Variants in SNED1 observed in about 807,000 individuals in gnomAD.
SNED1 encodes sushi, nidogen and EGF like domains 1, also known as sushi, nidogen and EGF-like domain-containing protein 1.
SNED1 carries 81 observed loss-of-function variants against 166.7 expected under a neutral mutation model. That is an observed-to-expected ratio of 0.49 (90% confidence interval 0.41 to 0.58). The LOEUF (loss-of-function observed/expected upper bound fraction) is 0.58, where lower values mean the gene tolerates loss of function less well. Among genes scored for constraint, SNED1 ranks in the 20% least tolerant of loss-of-function variants. SNED1 has a pLI of 0.00. For missense variants in SNED1, 1,604 were observed against 2,000.2 expected (o/e 0.80, Z 3.78); for synonymous variants, 762 against 822.0 (o/e 0.93, Z 1.25).
At chr2:241,038,939 A>T (rs925899540) in intron 6 of SNED1, among the ~76,000 whole-genome samples, 13 of 152,112 alleles carry the variant, frequency 8.5e-5, no homozygotes, top group African/African-American at 3.1e-4. Flanking sequence ...CCCCTCTGTG[A>T]TGTGCAGCCT....
intron 1 of SNED1, among the ~76,000 whole-genome samples, chr2:241,022,369 T>G (rs1311939129): frequency 6.6e-6 from 1 of 152,256 alleles, no homozygotes; most frequent in African/African-American, 2.4e-5. Flanking sequence ...GCTCTTACAT[T>G]AGGTCTTTGA....
At position 241,072,095 on chromosome 2, in the gene SNED1, G is replaced by A. The variant is rs569187218; in HGVS notation, c.3817+217G>A. Reference sequence around the variant, plus strand: ...GAGGGGCAGCTCGTGAGGGCCTCACGTCAGTGTGTGGGCTGGAGGCGCAGG... The same window carrying A: ...GAGGGGCAGCTCGTGAGGGCCTCACATCAGTGTGTGGGCTGGAGGCGCAGG... On this transcript the variant is annotated intron_variant, in intron 26 of 31. Transcript: ENST00000310397. 292 of 700,228 alleles carry A rather than the reference G, an allele frequency of 4.2e-4. 1 individual carries two copies. Among genetic ancestry groups the A allele is most frequent in the Admixed American group, 7.0e-4 (35 of 49,936 alleles). 43.4% of individuals were successfully genotyped at this position (700,228 alleles called of 1,614,324 possible).
rs1419897103 is a variant in SNED1 at position 241,092,308 on chromosome 2, A to T, written c.*672A>T. 6.6e-6 allele frequency: 1 copy of T among 152,248 alleles called. No homozygotes were observed. Among genetic ancestry groups the T allele is most frequent in the African/African-American group, 2.4e-5 (1 of 41,456 alleles). The allele number at this position is 152,248 out of a possible 1,614,324, so 9.4% of individuals were successfully genotyped here. ...TGGCAGCCTTTCTCTATCAAGGGTC[A>T]GACGGTAAACGTTTTCAGCTTTGCA... On this transcript the variant is annotated 3_prime_UTR_variant, in exon 32 of 32. Transcript: ENST00000310397. The surrounding 1 kb of genome is among the most constrained non-coding windows in gnomAD (Gnocchi z 4.6).
In SNED1 at chr2:241,067,265, C is replaced by T. The variant is rs550318395; in HGVS notation, c.3011-499C>T. 7.0e-4 allele frequency among the ~76,000 whole-genome samples: 106 copies of T among 152,352 alleles called. 2 individuals are homozygous for T. The highest frequency in any genetic ancestry group is 1.9e-3 in the African/African-American group (79 of 41,588). On this transcript the variant is annotated intron_variant, in intron 21 of 31. Coordinates refer to ENST00000310397, the MANE Select transcript of SNED1 (RefSeq NM_001080437.3). Reference sequence around the variant, plus strand: ...TGCATCAGCAGTGGCACTGGAGCTTCGGAGGAGACTGGCTGGGCGGGAAGC... The same window carrying T: ...TGCATCAGCAGTGGCACTGGAGCTTTGGAGGAGACTGGCTGGGCGGGAAGC...
chr2:241,009,884 C>T (rs888100308), intron 1 of SNED1, among the ~76,000 whole-genome samples: 7 of 152,162 alleles, frequency 4.6e-5, no homozygotes, highest in African/African-American at 1.2e-4. Flanking sequence ...CAGGGGCCAG[C>T]CTCCTTCCCT....
chr2:241,023,710 T>C (rs1021023560), intron 1 of SNED1, among the ~76,000 whole-genome samples: 1 of 152,110 alleles, frequency 6.6e-6, no homozygotes, highest in Non-Finnish European at 1.5e-5. Context: ...GCAGAGCTCT[T>C]ATATCTTTAT....
intron 8 of SNED1, among the ~76,000 whole-genome samples, chr2:241,044,449 G>C (rs1241807679): frequency 6.6e-6 from 1 of 152,230 alleles, no homozygotes; most frequent in Non-Finnish European, 1.5e-5. Context: ...GCATGGAGTA[G>C]CTGTCAGAGG....
chr2:241,036,842 C>T lies in SNED1; in HGVS notation c.858C>T (p.Asp286=), dbSNP rs533429390. 168 of 1,611,570 alleles carry T rather than the reference C, an allele frequency of 1.0e-4. No homozygotes were observed. The highest frequency in any genetic ancestry group is 1.3e-4 in the Non-Finnish European group (154 of 1,179,704). ...RPCLNGGKCI[D]DCVTGNPSYT... is the part of the protein sequence containing the mutation. ...GCCTCAACGGCGGCAAGTGCATCGACGACTGCGTCACGGGCAACCCCTCCT... is the reference window on the plus strand; with the variant it reads ...GCCTCAACGGCGGCAAGTGCATCGATGACTGCGTCACGGGCAACCCCTCCT... The change falls in exon 5 of 32, where the codon GAC becomes GAT. Residue 286 remains aspartate (D), a synonymous_variant. Coordinates refer to ENST00000310397, the MANE Select transcript of SNED1 (RefSeq NM_001080437.3).
At chr2:241,054,583 A>G (rs995177608) in intron 16 of SNED1, among the ~76,000 whole-genome samples, 2 of 152,218 alleles carry the variant, frequency 1.3e-5, no homozygotes, top group Non-Finnish European at 2.9e-5. Context: ...AAAAAAGAAA[A>G]TGGATTAACG....
chr2:241,090,359 G>A (rs1237430966), intron 31 of SNED1: 47 of 1,550,070 alleles, frequency 3.0e-5, no homozygotes, highest in Non-Finnish European at 4.0e-5. Flanking sequence ...CACCTCCTGT[G>A]ACAATGATGC....
At position 241,073,062 on chromosome 2, in the gene SNED1, TC is replaced by T; in HGVS notation, c.3818-202del. 1 of 566,288 alleles carries T rather than the reference TC, an allele frequency of 1.8e-6. No individual in the cohort carries two copies. Among genetic ancestry groups the T allele is most frequent in the Non-Finnish European group, 3.2e-6 (1 of 317,424 alleles). The allele number at this position is 566,288 out of a possible 1,614,324, so 35.1% of individuals were successfully genotyped here. A position where few individuals can be genotyped will look rare whatever the true frequency, so the allele number is the denominator to read the frequency against. ...CCCTGCAAGGGGAAGGCCGAGCCCC[TC>T]CAGAGGGTCAGCAGGAGGGTGAGGC... is the stretch of plus-strand genomic sequence containing the variant. On this transcript the variant is annotated intron_variant, in intron 26 of 31. Transcript: ENST00000310397. This position sits in a 1 kb window ranked among gnomAD's most constrained non-coding sequence, Gnocchi z 6.6.
At position 241,067,616 on chromosome 2, in the gene SNED1, C is replaced by G. The variant is rs774794428; in HGVS notation, c.3011-148C>G. On this transcript the variant is annotated intron_variant, in intron 21 of 31. Transcript: ENST00000310397. ...CAGAGCCTGGGCATCCCACTCAGCCCGAGTTCCCTGAGCAGTTGATGGGAC... is the reference window on the plus strand; with the variant it reads ...CAGAGCCTGGGCATCCCACTCAGCCGGAGTTCCCTGAGCAGTTGATGGGAC... 16 of 604,660 alleles carry G rather than the reference C, an allele frequency of 2.6e-5. No individual in the cohort carries two copies. In the East Asian group the frequency reaches 4.5e-4, roughly 17 times the overall value. The allele number at this position is 604,660 out of a possible 1,614,324, so 37.5% of individuals were successfully genotyped here.
intron 31 of SNED1, chr2:241,089,123 G>A (rs1017359674): frequency 1.1e-5 from 6 of 552,052 alleles, no homozygotes; most frequent in East Asian, 6.8e-5. Flanking sequence ...CTTCACAATC[G>A]TTTGCAAGAG....
chr2:240,999,193 T>G lies in SNED1; in HGVS notation c.213+143T>G. On this transcript the variant is annotated intron_variant, in intron 1 of 31. Coordinates refer to ENST00000310397, the MANE Select transcript of SNED1 (RefSeq NM_001080437.3). This position sits in a 1 kb window ranked among gnomAD's most constrained non-coding sequence, Gnocchi z 5.8. ...GAGGTGGAATGAGGACAGCGCTTCC[T>G]CCTCGGCGGCCAAGGCCGGACAGCG... is the stretch of plus-strand genomic sequence containing the variant. 2 of 397,908 alleles carry G rather than the reference T, an allele frequency of 5.0e-6. No homozygotes were observed. The highest frequency in any genetic ancestry group is 3.9e-6 in the Non-Finnish European group (1 of 253,526). The allele number at this position is 397,908 out of a possible 1,614,324, so 24.6% of individuals were successfully genotyped here. A position where few individuals can be genotyped will look rare whatever the true frequency, so the allele number is the denominator to read the frequency against.
intron 31 of SNED1, chr2:241,090,202 A>G: frequency 6.8e-7 from 1 of 1,473,380 alleles, no homozygotes; most frequent in Non-Finnish European, 9.0e-7. Flanking sequence ...TCTGTTTTTA[A>G]AATTTTTAAT....
intron 1 of SNED1, among the ~76,000 whole-genome samples, chr2:241,016,255 C>G (rs1421609054): frequency 1.5e-5 from 2 of 135,600 alleles, no homozygotes; most frequent in Non-Finnish European, 3.1e-5. Flanking sequence ...AGTGCAGTGG[C>G]ACGATCTTGG....
At position 241,078,186 on chromosome 2, in the gene SNED1, A is replaced by C. The variant is rs372091117; in HGVS notation, c.3917-3491A>C. On this transcript the variant is annotated intron_variant, in intron 27 of 31. Transcript: ENST00000310397. ...GATCACCAGGTCAGGCGTTCGAGAC[A>C]AGTCTGGCCAACGCGGTGAAACCCC... 7.7e-3 allele frequency among the ~76,000 whole-genome samples: 1,159 copies of C among 150,940 alleles called. 36 individuals carry two copies. The highest frequency in any genetic ancestry group is 0.027 in the African/African-American group (1,078 of 40,504).
chr2:241,042,559 T>C (rs1464996477), intron 8 of SNED1, among the ~76,000 whole-genome samples: 3 of 152,180 alleles, frequency 2.0e-5, no homozygotes, highest in South Asian at 2.1e-4. Flanking sequence ...AATAGATCAA[T>C]AGAAACAGGC....
intron 21 of SNED1, among the ~76,000 whole-genome samples, 163 bp downstream of exon 21, chr2:241,065,758 G>C (rs753039225): frequency 1.3e-5 from 2 of 152,228 alleles, no homozygotes; most frequent in Non-Finnish European, 2.9e-5. Context: ...CCCTGCTGGA[G>C]ACAGAGCTGT....
Sources: gnomAD v4.1 joint callset for allele counts (sites outside exome capture counted in the v4.1 genomes callset) on GRCh38, gnomAD v4.1.1 for gene constraint, Gnocchi (gnomAD v3.1) non-coding constraint, MANE v1.5 for transcripts, NCBI Gene and HGNC (gene_info 2026-07-23, HGNC 2026-07-21) for gene names.